OTUD7A: variants seen among roughly 807,000 people sequenced by gnomAD.
OTUD7A encodes OTU deubiquitinase 7A.
Under a neutral mutation model 65.7 loss-of-function variants are expected in OTUD7A, and 12 were observed. The ratio of observed to expected loss-of-function variants is 0.18; its 90% CI spans 0.12 to 0.30. OTUD7A has a LOEUF of 0.30. OTUD7A is among the 10% of genes least tolerant of loss of function. The pLI is 1.00. For missense variants in OTUD7A, 1,148 were observed against 1,304.8 expected, an observed-to-expected ratio of 0.88 and a Z score of 1.85; for synonymous variants, 641 against 586.3, an observed-to-expected ratio of 1.09 and a Z score of -1.35.
At chr15:31,702,551 C>T (rs1020841082) in intron 1 of OTUD7A, among the ~76,000 whole-genome samples, 5 of 150,700 alleles carry the variant, frequency 3.3e-5, no homozygotes, top group African/African-American at 1.2e-4. Flanking sequence ...ACAAAATATG[C>T]ATAGGACTTG....
intron 5 of OTUD7A, among the ~76,000 whole-genome samples, chr15:31,554,486 G>A (rs899303018): frequency 1.3e-5 from 2 of 152,168 alleles, no homozygotes; most frequent in South Asian, 4.1e-4. Flanking sequence ...AGCCAGGGTC[G>A]GGCTGACTCA....
At chr15:31,657,460 C>T (rs1280993088) in intron 1 of OTUD7A, among the ~76,000 whole-genome samples, 1 of 151,930 alleles carries the variant, frequency 6.6e-6, no homozygotes. Context: ...GGGTTCATGC[C>T]ATCCTCCTTG....
intron 3 of OTUD7A, among the ~76,000 whole-genome samples, chr15:31,611,634 T>C (rs1169719110): frequency 6.6e-6 from 1 of 151,866 alleles, no homozygotes; most frequent in Non-Finnish European, 1.5e-5. Context: ...AACAGACCAA[T>C]AACAAGCAGG....
intron 1 of OTUD7A, among the ~76,000 whole-genome samples, chr15:31,868,760 A>G (rs979856992): frequency 6.6e-5 from 10 of 152,196 alleles, no homozygotes; most frequent in Non-Finnish European, 1.3e-4. Context: ...TCCAGGCCCA[A>G]GTGAGACCCG....
chr15:31,729,824 T>A (rs1450766663), intron 1 of OTUD7A, among the ~76,000 whole-genome samples: 1 of 152,156 alleles, frequency 6.6e-6, no homozygotes, highest in African/African-American at 2.4e-5. Context: ...CCTATCCACA[T>A]CTGCTCTATC....
rs8038306 is a variant in OTUD7A, at chr15:31,849,571, T to C, written c.-100+20936A>G. Reference sequence around the variant, plus strand: ...GACAAATGGGGTCTAATTAAACTAATGAGCTTCAGCACAGCAGAAGAAACT... The same window carrying C: ...GACAAATGGGGTCTAATTAAACTAACGAGCTTCAGCACAGCAGAAGAAACT... On this transcript the variant is annotated intron_variant, in intron 1 of 12. Transcript: ENST00000307050. Among the ~76,000 whole-genome samples, 1,070 of 152,232 alleles carry C rather than the reference T, an allele frequency of 7.0e-3. 15 individuals carry two copies. Among genetic ancestry groups the C allele is most frequent in the African/African-American group, 0.025 (1,029 of 41,522 alleles).
chr15:31,515,381 T>G (rs903367548), intron 8 of OTUD7A, among the ~76,000 whole-genome samples: 7 of 152,216 alleles, frequency 4.6e-5, no homozygotes, highest in Admixed American at 4.6e-4. Context: ...GGCTCAGTAT[T>G]GGGCACCTTT....
Position 31,641,014 on chromosome 15 carries a change from G to T in OTUD7A, c.151+14082C>A, listed in dbSNP as rs866870967. 2.0e-5 allele frequency among the ~76,000 whole-genome samples: 3 copies of T among 152,186 alleles called. 1 individual carries two copies. Among genetic ancestry groups the T allele is most frequent in the Middle Eastern group, 6.8e-3 (2 of 294 alleles). On this transcript the variant is annotated intron_variant, in intron 3 of 12. Coordinates refer to ENST00000307050, the MANE Select transcript of OTUD7A (RefSeq NM_001382637.1). ...ATTGTCAGACTTCTGATATAGTTTG[G>T]CTCTATGTCCCCACCCAAATCTCAC...
At chr15:31,550,492 C>A (rs1210595438) in intron 5 of OTUD7A, among the ~76,000 whole-genome samples, 1 of 152,188 alleles carries the variant, frequency 6.6e-6, no homozygotes, top group Non-Finnish European at 1.5e-5. Flanking sequence ...ACTCTCTAGG[C>A]ACCAACAGTT....
intron 8 of OTUD7A, among the ~76,000 whole-genome samples, chr15:31,507,557 G>C (rs993117818): frequency 1.3e-5 from 2 of 152,198 alleles, no homozygotes; most frequent in African/African-American, 2.4e-5. Flanking sequence ...GCAGCAGCAA[G>C]ATTTATTGTG....
At chr15:31,765,462 C>A (rs1895072394) in intron 1 of OTUD7A, among the ~76,000 whole-genome samples, 1 of 152,136 alleles carries the variant, frequency 6.6e-6, no homozygotes, top group Non-Finnish European at 1.5e-5. Flanking sequence ...TAACACAGCT[C>A]AGTTTTCAAA....
chr15:31,566,195 G>GAA (rs67409184), intron 4 of OTUD7A, among the ~76,000 whole-genome samples: 1 of 105,878 alleles, frequency 9.4e-6, no homozygotes, highest in Non-Finnish European at 2.3e-5. Context: ...CATCTCAAAA[G>GAA]AAAAAAAAAA....
At chr15:31,641,187 T>G (rs997056584) in intron 3 of OTUD7A, among the ~76,000 whole-genome samples, 2 of 152,036 alleles carry the variant, frequency 1.3e-5, no homozygotes, top group Non-Finnish European at 2.9e-5. Context: ...GTCTGGCCTC[T>G]CCCCTGCTTG....
At chr15:31,752,339 A>G (rs1051586237) in intron 1 of OTUD7A, among the ~76,000 whole-genome samples, 4 of 152,234 alleles carry the variant, frequency 2.6e-5, no homozygotes, top group Admixed American at 2.6e-4. Flanking sequence ...TCATAGAGAA[A>G]TGTAGTTGTA....
At chr15:31,509,366 C>T (rs748008251) in intron 8 of OTUD7A, among the ~76,000 whole-genome samples, 14 of 152,134 alleles carry the variant, frequency 9.2e-5, no homozygotes, top group Middle Eastern at 6.8e-3. Context: ...GCAAATTCCA[C>T]CTCCTGGGTT....
intron 1 of OTUD7A, among the ~76,000 whole-genome samples, chr15:31,688,191 G>C (rs1360061748): frequency 1.3e-5 from 2 of 150,258 alleles, no homozygotes; most frequent in East Asian, 3.9e-4. Flanking sequence ...ACTCCAGCCT[G>C]GCGACAGAGC....
chr15:31,759,400 A>T (rs945422785), intron 1 of OTUD7A, among the ~76,000 whole-genome samples: 1 of 152,218 alleles, frequency 6.6e-6, no homozygotes, highest in Non-Finnish European at 1.5e-5. Flanking sequence ...TCCAATGGCC[A>T]TGTGTGCATG....
intron 1 of OTUD7A, among the ~76,000 whole-genome samples, chr15:31,835,857 C>A (rs1897043921): frequency 6.6e-6 from 1 of 151,938 alleles, no homozygotes; most frequent in Non-Finnish European, 1.5e-5. Context: ...ATCCCTTATC[C>A]AAAATGGCAA....
At chr15:31,782,672 A>G (rs1895571603) in intron 1 of OTUD7A, among the ~76,000 whole-genome samples, 2 of 152,242 alleles carry the variant, frequency 1.3e-5, no homozygotes, top group African/African-American at 4.8e-5. Context: ...ATGATGATGG[A>G]AAGAAAGTAA....
Sources: allele counts gnomAD v4.1 joint callset (sites outside exome capture counted in the v4.1 genomes callset), GRCh38; gene constraint gnomAD v4.1.1; transcripts MANE v1.5; gene names NCBI Gene and HGNC (gene_info 2026-07-23, HGNC 2026-07-21).